The following SLC12A7 variants were observed in gnomAD, a reference collection of about 807,000 sequenced individuals.
SLC12A7 encodes the protein K-Cl cotransporter 4.
SLC12A7 carries 100 observed loss-of-function variants against 120.6 expected under a neutral mutation model. That is an observed-to-expected ratio of 0.83 (90% CI 0.71 to 0.98). The LOEUF (loss-of-function observed/expected upper bound fraction) is 0.98, where lower values mean the gene tolerates loss of function less well. Among genes scored for constraint, SLC12A7 ranks in the 50% least tolerant of loss-of-function variants. SLC12A7 has a pLI of 0.00. For synonymous variants in SLC12A7, 760 were observed against 678.0 expected (o/e 1.12, Z -1.88); for missense variants, 1,373 against 1,548.1 (o/e 0.89, Z 1.90).
the SLC12A7 span, among the ~76,000 whole-genome samples, chr5:1,121,462 C>T: frequency 6.6e-6 from 1 of 152,206 alleles, no homozygotes; most frequent in African/African-American, 2.4e-5. Context: ...GGATCGTCAC[C>T]CTCACATTCC....
At chr5:1,114,083 C>T (rs370628095), upstream of SLC12A7, among the ~76,000 whole-genome samples, 117 of 152,332 alleles carry the variant, frequency 7.7e-4, no homozygotes, top group African/African-American at 2.7e-3. Context: ...GGCCAGCTCC[C>T]GGACTCAGGA....
chr5:1,098,777 C>CA (rs1741666385), intron 1 of SLC12A7, among the ~76,000 whole-genome samples: 1 of 123,724 alleles, frequency 8.1e-6, no homozygotes. Context: ...TAACCCTCTG[C>CA]TCACCCAGCC....
the SLC12A7 span, among the ~76,000 whole-genome samples, chr5:1,142,256 C>A: frequency 6.7e-6 from 1 of 149,438 alleles, no homozygotes; most frequent in East Asian, 2.0e-4. Context: ...GGAAGAAAAC[C>A]TCCCCCGTCT....
chr5:1,082,376 CGGG>C (rs1739270158), intron 8 of SLC12A7, among the ~76,000 whole-genome samples: 1 of 129,026 alleles, frequency 7.8e-6, no homozygotes. Context: ...CTTCCCGTCT[CGGG>C]TTCTGGAAAG....
rs370308020 is a variant in SLC12A7, at chr5:1,080,543, C to T, written c.1297+1034G>A. Among the ~76,000 whole-genome samples, 11 of 152,322 alleles carry T rather than the reference C, an allele frequency of 7.2e-5. No homozygotes were observed. In the East Asian group the frequency reaches 7.7e-4, roughly 11 times the overall value. On this transcript the variant is annotated intron_variant, in intron 9 of 23. Coordinates refer to ENST00000264930, the MANE Select transcript of SLC12A7 (RefSeq NM_006598.3). ...TGCTGAGATGAAGTCCGGGAGCAGA[C>T]GTGGGAGGGACCAGAAGGGACCAGA... is the stretch of plus-strand genomic sequence containing the variant.
In SLC12A7 at chr5:1,064,520, C is replaced by T. The variant is rs115860046; in HGVS notation, c.2438-268G>A. 4.4e-3 allele frequency among the ~76,000 whole-genome samples: 675 copies of T among 152,364 alleles called. 2 individuals carry two copies. The highest frequency in any genetic ancestry group is 0.015 in the African/African-American group (640 of 41,586). ...GTGCCTGGACACTTTCAGATGGCCG[C>T]TCCCAGGGCCAGGGCCTTCGACAGC... On this transcript the variant is annotated intron_variant, in intron 18 of 23. Coordinates refer to ENST00000264930, the MANE Select transcript of SLC12A7 (RefSeq NM_006598.3).
At chr5:1,153,722 C>T in the SLC12A7 span, among the ~76,000 whole-genome samples, 1 of 152,328 alleles carries the variant, frequency 6.6e-6, no homozygotes. Context: ...TTCACACTAA[C>T]CGGCGACCTG....
the SLC12A7 span, among the ~76,000 whole-genome samples, chr5:1,140,761 G>T: frequency 6.6e-6 from 1 of 152,264 alleles, no homozygotes; most frequent in Non-Finnish European, 1.5e-5. Context: ...GGGGTGCAGG[G>T]AAGGGAGATT....
intron 20 of SLC12A7, among the ~76,000 whole-genome samples, chr5:1,061,412 A>G (rs370466944): frequency 9.3e-4 from 46 of 49,284 alleles, no homozygotes; most frequent in African/African-American, 4.0e-3. Flanking sequence ...CGCATCCGCC[A>G]TGCGGGACCC....
At chr5:1,101,236 C>T (rs1441186580) in intron 1 of SLC12A7, among the ~76,000 whole-genome samples, 3 of 152,220 alleles carry the variant, frequency 2.0e-5, no homozygotes, top group Non-Finnish European at 4.4e-5. Context: ...TCACTGTCAC[C>T]GGTGCCCGTC....
rs149696300 is a variant in SLC12A7, at chr5:1,065,804, G to A, written c.2242-326C>T. Among the ~76,000 whole-genome samples, 974 of 152,120 alleles carry A rather than the reference G, an allele frequency of 6.4e-3. 9 individuals are homozygous for A. Among genetic ancestry groups the A allele is most frequent in the African/African-American group, 0.022 (932 of 41,478 alleles). The stretch of plus-strand genomic sequence containing the variant: ...TCCCAGACCCACCCCCAGTTCACTC[G>A]GACGCTCTGGGCCAGGTTCATCCAC... On this transcript the variant is annotated intron_variant, in intron 17 of 23. Coordinates refer to ENST00000264930, the MANE Select transcript of SLC12A7 (RefSeq NM_006598.3).
At chr5:1,076,914 G>A in intron 12 of SLC12A7, 102 bp from the exon 13 acceptor site, 1 of 818,550 alleles carries the variant, frequency 1.2e-6, no homozygotes, top group Middle Eastern at 2.5e-4. Flanking sequence ...TAAAGACACA[G>A]ACCAGCAGAA....
the SLC12A7 span, among the ~76,000 whole-genome samples, chr5:1,128,211 G>T: frequency 6.6e-6 from 1 of 152,216 alleles, no homozygotes; most frequent in Non-Finnish European, 1.5e-5. Context: ...TCTCAACCTG[G>T]CGGGAAGTCC....
intron 9 of SLC12A7, 83 bp from the exon 10 acceptor site, chr5:1,079,579 G>A: frequency 8.4e-7 from 1 of 1,185,598 alleles, no homozygotes; most frequent in East Asian, 2.3e-5. Context: ...AAGCTGGAAA[G>A]GCGGTCTCTG....
intron 22 of SLC12A7, among the ~76,000 whole-genome samples, chr5:1,054,697 G>A (rs1319275976): frequency 3.9e-5 from 6 of 152,208 alleles, no homozygotes; most frequent in Admixed American, 6.5e-5. Context: ...GCAGGGTCAT[G>A]GAGAGGCCCC....
rs943407864 is a variant in SLC12A7 at position 1,086,624 on chromosome 5, C to T, written c.675+279G>A. Among the ~76,000 whole-genome samples, 6 of 152,350 alleles carry T rather than the reference C, an allele frequency of 3.9e-5. No individual in the cohort carries two copies. The South Asian group carries it at 6.2e-4, about 16-fold the overall frequency. ...CTCCGACTGCAGGACTGCACCTACG[C>T]GGGGCTCAGATCTACAGTCCAGATG... On this transcript the variant is annotated intron_variant, in intron 6 of 23. Coordinates refer to ENST00000264930, the MANE Select transcript of SLC12A7 (RefSeq NM_006598.3).
rs150151929 is a variant in SLC12A7, at chr5:1,060,392, C to T, written c.2799G>A (p.Ser933=). The T allele has an allele frequency of 2.5e-4, 404 of 1,613,768 alleles. 4 individuals carry two copies. The East Asian group carries it at 5.3e-3, about 21-fold the overall frequency. ...YERTLMMEQR[S]QMLKQMQLSK... ...ACAGCTGCATCTGCTTCAGCATCTG[C>T]GACCTCTGCTCCATCATTAGTGTCC... Residue 933 remains serine, a synonymous_variant, in exon 21 of 24, where the codon TCG becomes TCA. Coordinates refer to ENST00000264930, the MANE Select transcript of SLC12A7 (RefSeq NM_006598.3).
the SLC12A7 span, among the ~76,000 whole-genome samples, chr5:1,129,155 A>G: frequency 2.0e-5 from 3 of 152,058 alleles, no homozygotes; most frequent in Admixed American, 2.0e-4. Flanking sequence ...GGCCAGGGGG[A>G]CAGCCACGTC....
At chr5:1,096,732 GGGGGA>G (rs1444135970) in intron 1 of SLC12A7, among the ~76,000 whole-genome samples, 1 of 39,088 alleles carries the variant, frequency 2.6e-5, no homozygotes, top group Admixed American at 2.0e-4. Flanking sequence ...AAGGAGGGAG[GGGGGA>G]AGGGAGGGAA....
Sources: gnomAD v4.1 joint callset for allele counts (sites outside exome capture counted in the v4.1 genomes callset) on GRCh38, gnomAD v4.1.1 for gene constraint, MANE v1.5 for transcripts, NCBI Gene and HGNC (gene_info 2026-07-23, HGNC 2026-07-21) for gene names.